NEDD4L: variants seen among roughly 807,000 people sequenced by gnomAD.
NEDD4L encodes the protein E3 ubiquitin-protein ligase NEDD4-like.
Under a neutral mutation model 148.9 loss-of-function variants are expected in NEDD4L, and 54 were observed. The observed-to-expected ratio is 0.36, with a 90% CI of 0.29 to 0.45. The LOEUF is 0.45. NEDD4L is among the 20% of genes least tolerant of loss of function. The probability of loss-of-function intolerance (pLI) is 1.00; values close to 1 mark genes in which losing one functional copy is unlikely to be tolerated. For synonymous variants in NEDD4L, 433 were observed against 440.7 expected (o/e 0.98, Z 0.22); for missense variants, 856 against 1,233.8 (o/e 0.69, Z 4.59).
chr18:58,299,537 T>A lies in NEDD4L; in HGVS notation c.298-16445T>A, dbSNP rs187240562. 9.8e-5 allele frequency among the ~76,000 whole-genome samples: 15 copies of A among 152,378 alleles called. 1 individual carries two copies. The East Asian group carries it at 2.9e-3, about 29-fold the overall frequency. ...TATACTAAATGTATTTTAGTTTCTATCTGGAGCTAGTTGCCATTTACTGTG... is the reference window on the plus strand; with the variant it reads ...TATACTAAATGTATTTTAGTTTCTAACTGGAGCTAGTTGCCATTTACTGTG... On this transcript the variant is annotated intron_variant, in intron 5 of 30. Transcript: ENST00000400345.
intron 2 of NEDD4L, among the ~76,000 whole-genome samples, chr18:58,186,926 G>A (rs1004176603): frequency 2.6e-5 from 4 of 152,166 alleles, no homozygotes; most frequent in African/African-American, 4.8e-5. Flanking sequence ...GTAAATGATC[G>A]GGTTCTCACT....
chr18:58,187,751 C>T (rs941645881), intron 2 of NEDD4L, among the ~76,000 whole-genome samples: 1 of 152,050 alleles, frequency 6.6e-6, no homozygotes, highest in Non-Finnish European at 1.5e-5. Flanking sequence ...AAGAAGCAGA[C>T]GGAACTTGTA....
At chr18:58,382,755 TC>T (rs2146682821) in intron 24 of NEDD4L, among the ~76,000 whole-genome samples, 1 of 152,294 alleles carries the variant, frequency 6.6e-6, no homozygotes, top group South Asian at 2.1e-4. Flanking sequence ...ACCAGATAAA[TC>T]TGTCTCTTCA....
intron 19 of NEDD4L, among the ~76,000 whole-genome samples, chr18:58,359,167 C>T (rs1400899924): frequency 1.3e-5 from 2 of 151,762 alleles, no homozygotes; most frequent in African/African-American, 2.4e-5. Flanking sequence ...GTTGCCCTGT[C>T]GATGTTGTCT....
At chr18:58,177,749 G>A (rs1180123122) in intron 2 of NEDD4L, among the ~76,000 whole-genome samples, 1 of 152,218 alleles carries the variant, frequency 6.6e-6, no homozygotes, top group Non-Finnish European at 1.5e-5. Flanking sequence ...GTCTTTCTCA[G>A]ATATGTATTG....
intron 5 of NEDD4L, among the ~76,000 whole-genome samples, chr18:58,311,706 TTTGTTGTTGTTG>T (rs147148524): frequency 1.6e-4 from 24 of 152,046 alleles, no homozygotes; most frequent in African/African-American, 5.3e-4. Context: ...CCCTGTGGTT[TTTGTTGTTGTTG>T]TTGTTGTTGT....
intron 2 of NEDD4L, among the ~76,000 whole-genome samples, chr18:58,223,395 T>G (rs1209578387): frequency 6.6e-6 from 1 of 151,972 alleles, no homozygotes; most frequent in African/African-American, 2.4e-5. Flanking sequence ...GCTACTTGAG[T>G]GTAGAAGTTT....
At position 58,119,932 on chromosome 18, in the gene NEDD4L, C is replaced by T. The variant is rs542046098; in HGVS notation, c.49-45856C>T. ...ACCACGGCCTGTTCTTACCTGGCTCCCCAGGCCCCCTTTAATCTCCCTCTG... is the reference window on the plus strand; with the variant it reads ...ACCACGGCCTGTTCTTACCTGGCTCTCCAGGCCCCCTTTAATCTCCCTCTG... On this transcript the variant is annotated intron_variant, in intron 1 of 30. Transcript: ENST00000400345. 2.0e-5 allele frequency among the ~76,000 whole-genome samples: 3 copies of T among 152,286 alleles called. No individual in the cohort carries two copies. In the East Asian group the frequency reaches 5.8e-4, roughly 29 times the overall value.
rs150348622 is a variant in NEDD4L, at chr18:58,277,434, G to A, written c.297+25380G>A. Reference sequence around the variant, plus strand: ...TGCTTGGCAGGTTGTTTAGAGCCTGGTAGCAGTGAAAAGAAATGTCTACCA... The same window carrying A: ...TGCTTGGCAGGTTGTTTAGAGCCTGATAGCAGTGAAAAGAAATGTCTACCA... On this transcript the variant is annotated intron_variant, in intron 5 of 30. Coordinates refer to ENST00000400345, the MANE Select transcript of NEDD4L (RefSeq NM_001144967.3). Among the ~76,000 whole-genome samples the A allele has an allele frequency of 8.3e-4, 126 of 152,224 alleles. 2 individuals carry two copies. The East Asian group carries it at 0.017, about 20-fold the overall frequency.
chr18:58,320,600 G>A (rs556486805), intron 6 of NEDD4L, among the ~76,000 whole-genome samples: 1 of 152,296 alleles, frequency 6.6e-6, no homozygotes, highest in East Asian at 1.9e-4. Context: ...GACGTCTTGA[G>A]CTCAGGAGTT....
chr18:58,352,767 A>G (rs1258282282), intron 18 of NEDD4L, among the ~76,000 whole-genome samples: 2 of 152,244 alleles, frequency 1.3e-5, no homozygotes, highest in African/African-American at 2.4e-5. Context: ...CTTTACTGGT[A>G]ACACATCCTG....
At chr18:58,345,535 C>T (rs1238619816) in intron 16 of NEDD4L, among the ~76,000 whole-genome samples, 1 of 152,162 alleles carries the variant, frequency 6.6e-6, no homozygotes, top group Non-Finnish European at 1.5e-5. Context: ...GAAAATAACA[C>T]TCCTTCCCCC....
At chr18:58,135,200 G>A (rs890461811) in intron 1 of NEDD4L, among the ~76,000 whole-genome samples, 1 of 152,050 alleles carries the variant, frequency 6.6e-6, no homozygotes. Context: ...CACGATGAAT[G>A]GATAAATGAA....
At chr18:58,074,334 CT>C (rs1200959233) in intron 1 of NEDD4L, among the ~76,000 whole-genome samples, 1 of 151,360 alleles carries the variant, frequency 6.6e-6, no homozygotes, top group Non-Finnish European at 1.5e-5. Flanking sequence ...TCTCGGCTCA[CT>C]GCAACCTCTG....
At chr18:58,388,855 C>G (rs1328266167) in intron 27 of NEDD4L, 1 of 551,552 alleles carries the variant, frequency 1.8e-6, no homozygotes, top group Non-Finnish European at 3.3e-6. Context: ...ATACGACATG[C>G]CGTGGCTTGC....
In NEDD4L at chr18:58,076,450, A is replaced by G. The variant is rs530055570; in HGVS notation, c.48+31742A>G. Among the ~76,000 whole-genome samples, 53 of 152,306 alleles carry G rather than the reference A, an allele frequency of 3.5e-4. 1 individual carries two copies. The highest frequency in any genetic ancestry group is 2.1e-3 in the South Asian group (10 of 4,826). On this transcript the variant is annotated intron_variant, in intron 1 of 30. Transcript: ENST00000400345. ...TCTATTAACCAGAAAAACTGAAACA[A>G]AATTAGGCAAGGTGGTAAGTTTTGC...
intron 5 of NEDD4L, among the ~76,000 whole-genome samples, chr18:58,268,078 C>G (rs1400019135): frequency 1.3e-5 from 2 of 152,038 alleles, no homozygotes; most frequent in Non-Finnish European, 2.9e-5. Context: ...TGCCATACAA[C>G]TTTATTAACG....
intron 1 of NEDD4L, among the ~76,000 whole-genome samples, chr18:58,159,535 C>T (rs2035936272): frequency 6.6e-6 from 1 of 152,084 alleles, no homozygotes; most frequent in South Asian, 2.1e-4. Flanking sequence ...TGCTGTGACC[C>T]TAAAACTGCT....
intron 5 of NEDD4L, among the ~76,000 whole-genome samples, chr18:58,275,438 T>G (rs1377565817): frequency 6.6e-6 from 1 of 152,168 alleles, no homozygotes; most frequent in Non-Finnish European, 1.5e-5. Flanking sequence ...TTTTTCCCTG[T>G]CATAATTAAC....
Sources: allele counts gnomAD v4.1 joint callset (sites outside exome capture counted in the v4.1 genomes callset), GRCh38; gene constraint gnomAD v4.1.1; transcripts MANE v1.5; gene names NCBI Gene and HGNC (gene_info 2026-07-23, HGNC 2026-07-21).